The following HCRTR2 variants were observed in gnomAD, a reference collection of about 807,000 sequenced individuals.
HCRTR2 encodes hypocretin receptor 2, also known as orexin receptor type 2.
Under a neutral mutation model 49.0 loss-of-function variants are expected in HCRTR2, and 22 were observed. The observed-to-expected ratio is 0.45, with a 90% CI of 0.32 to 0.64. The LOEUF is 0.64. HCRTR2 is among the 30% of genes least tolerant of loss of function. The pLI is 0.04. For missense variants in HCRTR2, 491 were observed against 559.4 expected (o/e 0.88, Z 1.23); for synonymous variants, 236 against 205.3 (o/e 1.15, Z -1.28).
intron 1 of HCRTR2, among the ~76,000 whole-genome samples, chr6:55,213,759 C>T (rs1374292615): frequency 1.3e-5 from 2 of 152,080 alleles, no homozygotes; most frequent in South Asian, 2.1e-4. Flanking sequence ...GACTAGCTTC[C>T]GTCATGCCTA....
At chr6:55,283,218 A>G (rs1308838975), downstream of HCRTR2, among the ~76,000 whole-genome samples, 1 of 152,212 alleles carries the variant, frequency 6.6e-6, no homozygotes, top group Non-Finnish European at 1.5e-5. Context: ...TGCTGGATTA[A>G]ATTAAAAATG....
chr6:55,255,043 G>T, intron 2 of HCRTR2, 93 bp from the exon 3 acceptor site: 1 of 1,429,998 alleles, frequency 7.0e-7, no homozygotes. Context: ...TTGCTTATAT[G>T]TTGTGACTAC....
intron 1 of HCRTR2, among the ~76,000 whole-genome samples, chr6:55,122,041 C>T (rs1764207908): frequency 6.6e-6 from 1 of 152,124 alleles, no homozygotes; most frequent in African/African-American, 2.4e-5. Context: ...AAGAATGGTA[C>T]CAGCTCCTCC....
At chr6:55,116,083 C>A (rs1764111988) in intron 1 of HCRTR2, among the ~76,000 whole-genome samples, 1 of 151,368 alleles carries the variant, frequency 6.6e-6, no homozygotes, top group Admixed American at 6.6e-5. Flanking sequence ...AAAATATTAT[C>A]AATATATTGG....
intron 1 of HCRTR2, among the ~76,000 whole-genome samples, chr6:55,146,374 G>A (rs888197599): frequency 6.6e-6 from 1 of 151,964 alleles, no homozygotes; most frequent in African/African-American, 2.4e-5. Flanking sequence ...TCTTATTACT[G>A]TACTAAAAAA....
chr6:55,169,796 T>A, upstream of HCRTR2, among the ~76,000 whole-genome samples: 1 of 152,068 alleles, frequency 6.6e-6, no homozygotes, highest in East Asian at 1.9e-4. Flanking sequence ...CTTCACAGAG[T>A]TTCTCAATAA....
At chr6:55,135,163 C>T (rs1764416885) in intron 1 of HCRTR2, among the ~76,000 whole-genome samples, 1 of 151,956 alleles carries the variant, frequency 6.6e-6, no homozygotes, top group South Asian at 2.1e-4. Context: ...AATATTTGTC[C>T]AAATTTGGCC....
At chr6:55,243,069 T>C (rs1581852078) in intron 1 of HCRTR2, among the ~76,000 whole-genome samples, 2 of 152,034 alleles carry the variant, frequency 1.3e-5, no homozygotes, top group African/African-American at 4.8e-5. Flanking sequence ...CTATATATCA[T>C]CAGATTCTTT....
intron 1 of HCRTR2, among the ~76,000 whole-genome samples, chr6:55,215,849 C>T (rs963388459): frequency 2.0e-5 from 3 of 152,166 alleles, no homozygotes; most frequent in Admixed American, 1.3e-4. Flanking sequence ...GAAAGTGTGT[C>T]TCAGTCCATT....
intron 1 of HCRTR2, among the ~76,000 whole-genome samples, chr6:55,192,554 A>C (rs1352238633): frequency 6.6e-6 from 1 of 152,194 alleles, no homozygotes; most frequent in Non-Finnish European, 1.5e-5. Flanking sequence ...CCACCACTGC[A>C]CTGCAGCCTG....
chr6:55,244,074 C>A lies in HCRTR2; in HGVS notation c.224-4565C>A, dbSNP rs544684241. 2.8e-4 allele frequency among the ~76,000 whole-genome samples: 43 copies of A among 152,094 alleles called. 3 individuals carry two copies. The South Asian group carries it at 8.1e-3, about 29-fold the overall frequency. ...GTCTGGGCACGGAATATGTTTGACA[C>A]ACAGTGAAATATCAGATTCACTCTG... is the stretch of plus-strand genomic sequence containing the variant. On this transcript the variant is annotated intron_variant, in intron 1 of 6. Transcript: ENST00000370862.
chr6:55,231,256 T>C (rs1766108845), intron 1 of HCRTR2, among the ~76,000 whole-genome samples: 1 of 152,178 alleles, frequency 6.6e-6, no homozygotes, highest in Non-Finnish European at 1.5e-5. Flanking sequence ...AAGGAACTTT[T>C]TAATGTTTGA....
chr6:55,246,834 G>T (rs763617371), intron 1 of HCRTR2, among the ~76,000 whole-genome samples: 35 of 151,876 alleles, frequency 2.3e-4, no homozygotes, highest in Non-Finnish European at 4.4e-4. Context: ...TTAGAACAAG[G>T]CACAGCACAT....
chr6:55,116,794 C>G (rs1292035848), intron 1 of HCRTR2, among the ~76,000 whole-genome samples: 1 of 150,664 alleles, frequency 6.6e-6, no homozygotes, highest in Admixed American at 6.7e-5. Flanking sequence ...AAGGTACTAA[C>G]AGTCTAATGA....
intron 1 of HCRTR2, among the ~76,000 whole-genome samples, chr6:55,226,390 C>G (rs1766004903): frequency 6.6e-6 from 1 of 152,090 alleles, no homozygotes; most frequent in East Asian, 1.9e-4. Flanking sequence ...CTCACTGCAA[C>G]CTCCGACTCC....
chr6:55,213,593 A>T (rs1194561032), intron 1 of HCRTR2, among the ~76,000 whole-genome samples: 1 of 152,162 alleles, frequency 6.6e-6, no homozygotes, highest in Non-Finnish European at 1.5e-5. Flanking sequence ...GAGCCAGCAG[A>T]AAATTTGTTG....
At chr6:55,114,317 C>T (rs564409892) in intron 1 of HCRTR2, among the ~76,000 whole-genome samples, 3 of 151,468 alleles carry the variant, frequency 2.0e-5, no homozygotes, top group African/African-American at 7.2e-5. Context: ...AAGTGATAAA[C>T]TTGTTCTACA....
chr6:55,232,377 T>G (rs918112893), intron 1 of HCRTR2, among the ~76,000 whole-genome samples: 1 of 152,218 alleles, frequency 6.6e-6, no homozygotes, highest in Non-Finnish European at 1.5e-5. Context: ...ATGCCATTGC[T>G]CTTGTTGTCC....
At chr6:55,158,735 T>C (rs886845765) in intron 1 of HCRTR2, among the ~76,000 whole-genome samples, 2 of 152,196 alleles carry the variant, frequency 1.3e-5, no homozygotes, top group African/African-American at 2.4e-5. Context: ...AAAGCCACTA[T>C]AGCCAGAATG....
Sources: gnomAD v4.1 joint callset for allele counts (sites outside exome capture counted in the v4.1 genomes callset) on GRCh38, gnomAD v4.1.1 for gene constraint, MANE v1.5 for transcripts, NCBI Gene and HGNC (gene_info 2026-07-23, HGNC 2026-07-21) for gene names.